CDH8: variants seen among roughly 807,000 people sequenced by gnomAD.
The protein encoded by CDH8 is cadherin 8.
In CDH8, 17 loss-of-function variants were observed where a neutral mutation model predicts 68.1. The ratio of observed to expected loss-of-function variants is 0.25; its 90% confidence interval spans 0.17 to 0.37. The LOEUF (loss-of-function observed/expected upper bound fraction) is 0.37. Among genes scored for constraint, CDH8 ranks in the 10% least tolerant of loss-of-function variants. The pLI is 1.00. For missense variants in CDH8, 763 were observed against 999.3 expected, an observed-to-expected ratio of 0.76 and a Z score of 3.19; for synonymous variants, 372 against 365.1, an observed-to-expected ratio of 1.02 and a Z score of -0.21.
intron 2 of CDH8, among the ~76,000 whole-genome samples, chr16:61,974,013 GAGTTTTAT>G (rs1965391581): frequency 6.6e-6 from 1 of 152,132 alleles, no homozygotes; most frequent in Non-Finnish European, 1.5e-5. Context: ...ACAACCTCAA[GAGTTTTAT>G]AGTGTAGGTC....
At chr16:61,792,227 T>C (rs1002529612) in intron 7 of CDH8, among the ~76,000 whole-genome samples, 2 of 152,020 alleles carry the variant, frequency 1.3e-5, no homozygotes, top group Admixed American at 1.3e-4. Context: ...GGGTGAGTCA[T>C]AGGAATTTAT....
At chr16:61,855,926 G>A (rs966326410) in intron 4 of CDH8, among the ~76,000 whole-genome samples, 2 of 152,024 alleles carry the variant, frequency 1.3e-5, no homozygotes, top group Non-Finnish European at 2.9e-5. Flanking sequence ...TCTTGGCTGC[G>A]GAAGGATATA....
intron 2 of CDH8, among the ~76,000 whole-genome samples, chr16:62,005,885 G>A (rs1965966775): frequency 6.6e-6 from 1 of 152,170 alleles, no homozygotes; most frequent in South Asian, 2.1e-4. Flanking sequence ...GGTGGTGCAC[G>A]TAAAAGGATA....
chr16:61,782,569 AAC>A (rs1488361506), intron 8 of CDH8, among the ~76,000 whole-genome samples: 1 of 151,884 alleles, frequency 6.6e-6, no homozygotes. Flanking sequence ...AGGAAGCTCG[AAC>A]TGGGTGGAGC....
intron 2 of CDH8, among the ~76,000 whole-genome samples, chr16:61,903,239 A>G (rs1273646088): frequency 6.6e-6 from 1 of 152,252 alleles, no homozygotes; most frequent in African/African-American, 2.4e-5. Flanking sequence ...TGATATTACA[A>G]TTTTATGTTT....
chr16:61,799,031 A>G (rs1453729362), intron 7 of CDH8, among the ~76,000 whole-genome samples: 1 of 152,098 alleles, frequency 6.6e-6, no homozygotes, highest in African/African-American at 2.4e-5. Context: ...AGGAGTTGTG[A>G]GGATAAACTC....
At chr16:61,689,538 C>T (rs995527747) in intron 10 of CDH8, among the ~76,000 whole-genome samples, 4 of 151,944 alleles carry the variant, frequency 2.6e-5, no homozygotes, top group African/African-American at 9.7e-5. Flanking sequence ...TCAGGGCAAT[C>T]ATTTAGCCTC....
At position 61,713,877 on chromosome 16, in the gene CDH8, C is replaced by T. The variant is rs774974705; in HGVS notation, c.1618G>A (p.Val540Ile). The stretch of plus-strand genomic sequence containing the variant: ...TTGATGGTGAAATTCGGATTGTTGA[C>T]CATTTCTGGAAGGAGACTGTATAAG... ...YFLYSLLPEMVNNPNFTIKKN... is the reference protein window; with the variant it reads ...YFLYSLLPEMINNPNFTIKKN... Residue 540 changes from valine (V) to isoleucine (I), a missense_variant, in exon 10 of 12, where the codon GTC (valine) becomes ATC (isoleucine). This residue lies in a region of CDH8 where 397 missense variants were observed against 436.2 expected (regional missense o/e 0.91). Coordinates refer to ENST00000577390, the MANE Select transcript of CDH8 (RefSeq NM_001796.5). 6.2e-7 allele frequency: 1 copy of T among 1,602,664 alleles called. No individual in the cohort carries two copies. The highest frequency in any genetic ancestry group is 1.7e-5 in the Admixed American group (1 of 59,710).
At chr16:61,723,219 A>G (rs966417495) in intron 9 of CDH8, among the ~76,000 whole-genome samples, 2 of 150,786 alleles carry the variant, frequency 1.3e-5, no homozygotes, top group African/African-American at 2.4e-5. Flanking sequence ...GTTAGAACAC[A>G]GTTATGGAAG....
At chr16:62,010,056 C>G (rs1460245690) in intron 2 of CDH8, among the ~76,000 whole-genome samples, 2 of 152,008 alleles carry the variant, frequency 1.3e-5, no homozygotes, top group African/African-American at 4.8e-5. Context: ...CCAATGTCCT[C>G]TCCTCTGATT....
chr16:62,025,760 C>A (rs915108155), intron 1 of CDH8, among the ~76,000 whole-genome samples: 7 of 152,018 alleles, frequency 4.6e-5, no homozygotes. Context: ...TGGAATATAA[C>A]TTTAAAATTA....
At chr16:61,680,961 T>G (rs1021033076) in intron 10 of CDH8, among the ~76,000 whole-genome samples, 2 of 151,904 alleles carry the variant, frequency 1.3e-5, no homozygotes, top group East Asian at 1.9e-4. Context: ...CTACAAGATA[T>G]CCCTTTACAC....
At chr16:61,830,988 A>G (rs1962442570) in intron 4 of CDH8, among the ~76,000 whole-genome samples, 1 of 151,826 alleles carries the variant, frequency 6.6e-6, no homozygotes, top group African/African-American at 2.4e-5. Context: ...GCCTTGGACT[A>G]ACACAGAACA....
At chr16:61,991,741 G>T (rs1446415079) in intron 2 of CDH8, among the ~76,000 whole-genome samples, 1 of 151,980 alleles carries the variant, frequency 6.6e-6, no homozygotes, top group Non-Finnish European at 1.5e-5. Flanking sequence ...CCCCTTTATC[G>T]CTTGCCTTCG....
chr16:61,757,401 G>T (rs2142960632), intron 8 of CDH8, among the ~76,000 whole-genome samples: 1 of 152,140 alleles, frequency 6.6e-6, no homozygotes, highest in East Asian at 1.9e-4. Flanking sequence ...AATACTTAAT[G>T]ATAAAATATT....
chr16:61,688,015 T>C (rs1481220404), intron 10 of CDH8, among the ~76,000 whole-genome samples: 2 of 152,096 alleles, frequency 1.3e-5, no homozygotes, highest in Non-Finnish European at 2.9e-5. Context: ...ACTCATCTCG[T>C]AACCTGACCT....
At chr16:61,754,578 T>A (rs565607423) in intron 8 of CDH8, among the ~76,000 whole-genome samples, 1 of 152,080 alleles carries the variant, frequency 6.6e-6, no homozygotes. Flanking sequence ...ATGTATAGAA[T>A]GTATGGTGAT....
intron 7 of CDH8, among the ~76,000 whole-genome samples, chr16:61,804,540 T>C (rs1961751504): frequency 1.3e-5 from 2 of 148,434 alleles, no homozygotes; most frequent in Admixed American, 6.8e-5. Flanking sequence ...GCTGGTTTTT[T>C]GAAAGGATCA....
intron 10 of CDH8, among the ~76,000 whole-genome samples, chr16:61,706,343 C>A (rs904461915): frequency 6.6e-6 from 1 of 152,020 alleles, no homozygotes; most frequent in Non-Finnish European, 1.5e-5. Flanking sequence ...GGCGGCCGGA[C>A]GCGGTGGCTC....
Sources: gnomAD v4.1 joint callset for allele counts (sites outside exome capture counted in the v4.1 genomes callset) on GRCh38, gnomAD v4.1.1 for gene constraint, gnomAD v4.1.1 regional missense constraint, MANE v1.5 for transcripts, NCBI Gene and HGNC (gene_info 2026-07-23, HGNC 2026-07-21) for gene names.